The following FAM161A variants were observed in gnomAD, a reference collection of about 807,000 sequenced individuals.
FAM161A encodes protein FAM161A.
FAM161A carries 57 observed loss-of-function variants against 70.9 expected under a neutral mutation model. That is an observed-to-expected ratio of 0.80 (90% CI 0.65 to 1.00). The LOEUF (loss-of-function observed/expected upper bound fraction) is 1.00, where lower values mean the gene tolerates loss of function less well. Ranked by LOEUF, FAM161A falls within the 50% of genes least tolerant of loss-of-function variation. The probability of loss-of-function intolerance (pLI) is 0.00; values close to 1 mark genes in which losing one functional copy is unlikely to be tolerated. For synonymous variants in FAM161A, 299 were observed against 295.7 expected (o/e 1.01, Z -0.12); for missense variants, 880 against 836.0 (o/e 1.05, Z -0.65).
intron 5 of FAM161A, among the ~76,000 whole-genome samples, chr2:61,834,431 A>G (rs1243394284): frequency 1.3e-5 from 2 of 151,540 alleles, no homozygotes. Flanking sequence ...GATGAGTTCA[A>G]TCATACCCCA....
At chr2:61,835,973 A>C (rs1217599596) in intron 5 of FAM161A, 37 bp downstream of exon 5, 3 of 1,450,872 alleles carry the variant, frequency 2.1e-6, no homozygotes, top group African/African-American at 1.4e-5. Context: ...AAAAAAAAAA[A>C]AACTGACGAT....
At chr2:61,804,758 GAA>G in the FAM161A span, among the ~76,000 whole-genome samples, 8 of 66,412 alleles carry the variant, frequency 1.2e-4, no homozygotes, top group Admixed American at 3.6e-4. Flanking sequence ...AAGAAAGAAA[GAA>G]AAAGAAAGAG....
At chr2:61,814,559 A>C in the FAM161A span, among the ~76,000 whole-genome samples, 1 of 152,182 alleles carries the variant, frequency 6.6e-6, no homozygotes, top group Admixed American at 6.5e-5. Context: ...TACAAAAAAT[A>C]CAAAAATTAG....
At chr2:61,835,132 AC>A (rs1240467855) in intron 5 of FAM161A, among the ~76,000 whole-genome samples, 1 of 152,230 alleles carries the variant, frequency 6.6e-6, no homozygotes, top group African/African-American at 2.4e-5. Context: ...TCAATGAGTC[AC>A]TGGCAAGTAC....
At chr2:61,824,597 C>A (rs1572852889), downstream of FAM161A, among the ~76,000 whole-genome samples, 2 of 152,100 alleles carry the variant, frequency 1.3e-5, no homozygotes, top group East Asian at 3.9e-4. Flanking sequence ...AGGTAATATT[C>A]CCATTTTTTT....
At chr2:61,820,732 G>T (rs1372488259), downstream of FAM161A, among the ~76,000 whole-genome samples, 2 of 152,164 alleles carry the variant, frequency 1.3e-5, no homozygotes, top group Non-Finnish European at 2.9e-5. Context: ...ATATGTCTGT[G>T]ATTTGCTTCG....
At chr2:61,818,196 C>T in the FAM161A span, among the ~76,000 whole-genome samples, 1 of 151,792 alleles carries the variant, frequency 6.6e-6, no homozygotes. Context: ...GCTGGGATTA[C>T]AGGTGCCCAC....
At chr2:61,838,480 T>TAA in intron 4 of FAM161A, 58 bp downstream of exon 4, 35 of 1,269,460 alleles carry the variant, frequency 2.8e-5, no homozygotes, top group South Asian at 8.4e-5. Flanking sequence ...ATCTACTGAT[T>TAA]AAAAAAAAAA....
At chr2:61,808,425 A>G in the FAM161A span, among the ~76,000 whole-genome samples, 4 of 152,054 alleles carry the variant, frequency 2.6e-5, no homozygotes, top group Non-Finnish European at 5.9e-5. Context: ...GGCGCCTGCC[A>G]CCATGCCTAG....
At chr2:61,850,144 C>G (rs1453378547) in intron 1 of FAM161A, among the ~76,000 whole-genome samples, 1 of 152,206 alleles carries the variant, frequency 6.6e-6, no homozygotes. Flanking sequence ...TGCCTGTAAT[C>G]CCAGTACTTT....
At chr2:61,804,203 G>T in the FAM161A span, among the ~76,000 whole-genome samples, 1 of 152,126 alleles carries the variant, frequency 6.6e-6, no homozygotes, top group Admixed American at 6.5e-5. Context: ...ACGGCCAGAG[G>T]TTACTCTCGT....
chr2:61,815,858 C>T, the FAM161A span, among the ~76,000 whole-genome samples: 11 of 151,986 alleles, frequency 7.2e-5, no homozygotes, highest in African/African-American at 2.7e-4. Context: ...GCCTCTCTCC[C>T]TATGTTTTGT....
At chr2:61,816,959 T>C in the FAM161A span, among the ~76,000 whole-genome samples, 3 of 151,822 alleles carry the variant, frequency 2.0e-5, no homozygotes, top group Non-Finnish European at 4.4e-5. Context: ...ACACCCGGAG[T>C]GGGAGGGGAG....
At chr2:61,819,585 T>C in the FAM161A span, among the ~76,000 whole-genome samples, 1 of 152,218 alleles carries the variant, frequency 6.6e-6, no homozygotes, top group African/African-American at 2.4e-5. Context: ...TCATTGACAT[T>C]ATCTTCAGTG....
chr2:61,818,308 G>T, the FAM161A span, among the ~76,000 whole-genome samples: 1 of 151,990 alleles, frequency 6.6e-6, no homozygotes, highest in African/African-American at 2.4e-5. Flanking sequence ...CACCCGCCTC[G>T]GTCTCCCAAA....
chr2:61,827,908 C>A (rs1021485497), intron 5 of FAM161A, among the ~76,000 whole-genome samples: 2 of 152,138 alleles, frequency 1.3e-5, no homozygotes, highest in African/African-American at 4.8e-5. Context: ...AATGAATGAA[C>A]TACAGTTACA....
At chr2:61,845,676 A>G (rs1403779890) in intron 1 of FAM161A, among the ~76,000 whole-genome samples, 2 of 151,774 alleles carry the variant, frequency 1.3e-5, no homozygotes, top group African/African-American at 2.4e-5. Flanking sequence ...TTTTTAAAAA[A>G]TTAGCTGGAT....
chr2:61,819,439 G>C, the FAM161A span, among the ~76,000 whole-genome samples: 2 of 152,068 alleles, frequency 1.3e-5, no homozygotes, highest in African/African-American at 4.8e-5. Context: ...CTCCAGCCTG[G>C]GTGACAGAGT....
In FAM161A at chr2:61,825,639, CTTT is replaced by C. The variant is rs759062810; in HGVS notation, c.*813_*815del. The C allele has an allele frequency of 8.2e-4, 324 of 397,162 alleles. No homozygotes were observed. Among genetic ancestry groups the C allele is most frequent in the Middle Eastern group, 2.6e-3 (3 of 1,156 alleles). 24.6% of individuals were successfully genotyped at this position (397,162 alleles called of 1,614,324 possible). ...TTGCAAGTATCCATTTTTTTCTATA[CTTT>C]TTTTTTTTTTTTGGAGACGGAGTCT... On this transcript the variant is annotated 3_prime_UTR_variant, in exon 7 of 7. Coordinates refer to ENST00000404929, the MANE Select transcript of FAM161A (RefSeq NM_001201543.2).
Sources: gnomAD v4.1 joint callset for allele counts (sites outside exome capture counted in the v4.1 genomes callset) on GRCh38, gnomAD v4.1.1 for gene constraint, MANE v1.5 for transcripts, NCBI Gene and HGNC (gene_info 2026-07-23, HGNC 2026-07-21) for gene names.